GLI3: variants seen among roughly 807,000 people sequenced by gnomAD.
The protein encoded by GLI3 is transcription activator GLI3.
A neutral mutation model predicts 100.8 loss-of-function variants in GLI3; 20 were observed. That is an observed-to-expected ratio of 0.20 (90% confidence interval 0.14 to 0.29). GLI3 has a LOEUF of 0.29. GLI3 is among the 10% of genes least tolerant of loss of function. The pLI is 1.00. For synonymous variants in GLI3, 938 were observed against 860.5 expected, an observed-to-expected ratio of 1.09 and a Z score of -1.58; for missense variants, 2,040 against 2,128.5, an observed-to-expected ratio of 0.96 and a Z score of 0.82.
chr7:41,970,830 T>C (rs1787343788), intron 13 of GLI3, among the ~76,000 whole-genome samples: 1 of 152,212 alleles, frequency 6.6e-6, no homozygotes. Context: ...GTTAAACACG[T>C]GAGGATAAAC....
chr7:42,113,356 G>A, intron 3 of GLI3: 1 of 666,960 alleles, frequency 1.5e-6, no homozygotes, highest in South Asian at 1.4e-5. Context: ...CGTCGCTGTT[G>A]TTGCCAGCAT....
At chr7:42,186,082 G>A (rs561986008) in intron 2 of GLI3, among the ~76,000 whole-genome samples, 1 of 152,288 alleles carries the variant, frequency 6.6e-6, no homozygotes, top group African/African-American at 2.4e-5. Flanking sequence ...CTCAGCATAT[G>A]AGAACCAAAT....
chr7:42,012,395 C>A (rs1788640786), intron 10 of GLI3, among the ~76,000 whole-genome samples: 1 of 151,946 alleles, frequency 6.6e-6, no homozygotes, highest in African/African-American at 2.4e-5. Context: ...CCCTTTTCTT[C>A]TTCTCTCTCC....
At chr7:41,994,735 A>G (rs960655127) in intron 10 of GLI3, among the ~76,000 whole-genome samples, 1 of 152,254 alleles carries the variant, frequency 6.6e-6, no homozygotes, top group African/African-American at 2.4e-5. Flanking sequence ...TTTATTCCTC[A>G]AAATATGTTT....
chr7:42,007,517 C>T (rs745559729), intron 10 of GLI3, among the ~76,000 whole-genome samples: 10 of 152,150 alleles, frequency 6.6e-5, no homozygotes, highest in Non-Finnish European at 1.3e-4. Flanking sequence ...AGGAAAAAAA[C>T]GCCTTTCCTG....
chr7:42,059,449 T>A (rs143859154), intron 4 of GLI3, among the ~76,000 whole-genome samples: 301 of 149,748 alleles, frequency 2.0e-3, no homozygotes, highest in African/African-American at 7.1e-3. Context: ...TTAATAAGTA[T>A]AAATGAATAT....
At chr7:41,983,695 T>C (rs947784143) in intron 10 of GLI3, among the ~76,000 whole-genome samples, 20 of 152,170 alleles carry the variant, frequency 1.3e-4, no homozygotes, top group African/African-American at 4.3e-4. Context: ...TAAATTACAA[T>C]GTGGCATGCC....
At position 42,044,192 on chromosome 7, in the gene GLI3, G is replaced by A. The variant is rs1784198962; in HGVS notation, c.826+1192C>T. On this transcript the variant is annotated intron_variant, in intron 6 of 14. Coordinates refer to ENST00000395925, the MANE Select transcript of GLI3 (RefSeq NM_000168.6). ...CATATGCTCGCCCTCTGTCACAGAA[G>A]AATCCAAATAGATTGTAAATGGAAA... 2.6e-5 allele frequency among the ~76,000 whole-genome samples: 4 copies of A among 152,176 alleles called. No individual in the cohort carries two copies. The South Asian group carries it at 8.3e-4, about 32-fold the overall frequency.
chr7:42,152,648 T>C (rs3779159), intron 2 of GLI3, among the ~76,000 whole-genome samples: 21,554 of 152,242 alleles, frequency 0.14, 1,685 homozygotes, highest in South Asian at 0.19. Context: ...AATGTCACCC[T>C]ATCACAATCA....
At chr7:42,187,315 T>C (rs914070645) in intron 2 of GLI3, among the ~76,000 whole-genome samples, 33 of 152,094 alleles carry the variant, frequency 2.2e-4, no homozygotes, top group Admixed American at 3.9e-4. Context: ...CTTTTGAAAA[T>C]GTTACAGTGA....
chr7:42,031,206 C>G (rs1315024575), intron 7 of GLI3, among the ~76,000 whole-genome samples: 1 of 152,204 alleles, frequency 6.6e-6, no homozygotes, highest in African/African-American at 2.4e-5. Flanking sequence ...AACAATTAAT[C>G]TGTTATTATT....
intron 6 of GLI3, among the ~76,000 whole-genome samples, chr7:42,043,750 C>T (rs1028643106): frequency 2.6e-5 from 4 of 152,008 alleles, no homozygotes; most frequent in African/African-American, 7.3e-5. Context: ...AGATAAAAAC[C>T]GCCACTGCCT....
chr7:41,966,559 G>A lies in GLI3; in HGVS notation c.2514C>T (p.Val838=), dbSNP rs1787189823. The stretch of plus-strand genomic sequence containing the variant: ...TTCTGTTGAGCATGTTCAGCATAGT[G>A]ACGTCCACCCCAGAGAGGTCGCTTC... The part of the protein sequence containing the change: ...PGRSDLSGVD[V]TMLNMLNRRD... The change falls in exon 15 of 15, where the codon GTC becomes GTT. Residue 838 remains valine, a synonymous_variant. Transcript: ENST00000395925. The surrounding 1 kb of genome is among the most constrained non-coding windows in gnomAD (Gnocchi z 5.8). The A allele has an allele frequency of 6.2e-7, 1 of 1,614,058 alleles. No homozygotes were observed. Among genetic ancestry groups the A allele is most frequent in the African/African-American group, 1.3e-5 (1 of 75,062 alleles).
chr7:42,237,530 T>C (rs1020725631), upstream of GLI3, among the ~76,000 whole-genome samples: 91 of 150,384 alleles, frequency 6.1e-4, no homozygotes, highest in African/African-American at 2.1e-3. Context: ...GGCTCCGCGC[T>C]CCCCTCCCGC....
intron 3 of GLI3, among the ~76,000 whole-genome samples, chr7:42,114,122 G>A (rs148579596): frequency 1.2e-3 from 185 of 152,304 alleles, no homozygotes; most frequent in African/African-American, 4.0e-3. Context: ...CAGTGGTTCC[G>A]TTTCTAGATT....
At chr7:42,219,853 CTTT>C (rs769305998) in intron 2 of GLI3, among the ~76,000 whole-genome samples, 6 of 133,690 alleles carry the variant, frequency 4.5e-5, no homozygotes, top group East Asian at 2.1e-4. Context: ...AAACTGAACT[CTTT>C]TTTTTTTTTT....
chr7:42,222,216 T>C (rs1788499896), intron 2 of GLI3, among the ~76,000 whole-genome samples: 1 of 152,208 alleles, frequency 6.6e-6, no homozygotes, highest in Admixed American at 6.5e-5. Context: ...AAGTAAAACC[T>C]GTCTTGGAAT....
At chr7:42,221,231 CA>C (rs1297919027) in intron 2 of GLI3, among the ~76,000 whole-genome samples, 6 of 152,158 alleles carry the variant, frequency 3.9e-5, no homozygotes, top group Non-Finnish European at 8.8e-5. Context: ...AAGACCAACT[CA>C]AGACAAATGC....
intron 4 of GLI3, among the ~76,000 whole-genome samples, chr7:42,070,055 A>G (rs936364663): frequency 3.9e-4 from 60 of 152,346 alleles, no homozygotes; most frequent in African/African-American, 1.4e-3. Context: ...GTTTACCGCT[A>G]TAATCACTAA....
Sources: gnomAD v4.1 joint callset for allele counts (sites outside exome capture counted in the v4.1 genomes callset) on GRCh38, gnomAD v4.1.1 for gene constraint, Gnocchi (gnomAD v3.1) non-coding constraint, MANE v1.5 for transcripts, NCBI Gene and HGNC (gene_info 2026-07-23, HGNC 2026-07-21) for gene names.